Variants in VAV2 observed in about 807,000 individuals in gnomAD.
VAV2 encodes the protein vav guanine nucleotide exchange factor 2, also known as guanine nucleotide exchange factor VAV2.
A neutral mutation model predicts 132.5 loss-of-function variants in VAV2; 67 were observed. The observed-to-expected ratio is 0.51, with a 90% CI of 0.42 to 0.62. VAV2 has a LOEUF of 0.62. Ranked by LOEUF, VAV2 falls within the 20% of genes least tolerant of loss-of-function variation. VAV2 has a pLI of 0.00. For synonymous variants in VAV2, 492 were observed against 443.5 expected, an observed-to-expected ratio of 1.11 and a Z score of -1.37; for missense variants, 938 against 1,153.6, an observed-to-expected ratio of 0.81 and a Z score of 2.71.
intron 3 of VAV2, among the ~76,000 whole-genome samples, chr9:133,839,448 G>A (rs1437895393): frequency 6.6e-6 from 1 of 151,108 alleles, no homozygotes; most frequent in African/African-American, 2.4e-5. Context: ...TAGATACGAG[G>A]AAGTTTTTTT....
chr9:133,982,473 G>T (rs1842728269), intron 1 of VAV2, among the ~76,000 whole-genome samples: 1 of 151,324 alleles, frequency 6.6e-6, no homozygotes, highest in Non-Finnish European at 1.5e-5. Context: ...AGGGCAGGAG[G>T]CCCCAAGAGG....
rs763707825 is a variant in VAV2, at chr9:133,858,200, G to C, written c.380+3174C>G. On this transcript the variant is annotated intron_variant, in intron 3 of 29. Transcript: ENST00000371850. Reference sequence around the variant, plus strand: ...TACCTGAGGCGTTGGGCCACGCAGCGTATGCTCACAATGTGGTTTATGGTG... The same window carrying C: ...TACCTGAGGCGTTGGGCCACGCAGCCTATGCTCACAATGTGGTTTATGGTG... Among the ~76,000 whole-genome samples, 5 of 152,318 alleles carry C rather than the reference G, an allele frequency of 3.3e-5. No homozygotes were observed. In the South Asian group the frequency reaches 1.0e-3, roughly 32 times the overall value.
Position 133,788,711 on chromosome 9 carries a change from G to A in VAV2, c.1275-225C>T, listed in dbSNP as rs998425181. Among the ~76,000 whole-genome samples, 2 of 152,102 alleles carry A rather than the reference G, an allele frequency of 1.3e-5. No individual in the cohort carries two copies. Among genetic ancestry groups the A allele is most frequent in the East Asian group, 1.9e-4 (1 of 5,168 alleles). On this transcript the variant is annotated intron_variant, in intron 14 of 29. Coordinates refer to ENST00000371850, the MANE Select transcript of VAV2 (RefSeq NM_001134398.2). This position sits in a 1 kb window ranked among gnomAD's most constrained non-coding sequence, Gnocchi z 5.3. ...TTGGCTCCCTACCCCCGTGACTGAG[G>A]CTGTGCCAGGAGCCCTTCAAGGGGC...
In VAV2 at chr9:133,790,734, A is replaced by AT. The variant is rs113004055; in HGVS notation, c.1188+1048dup. Among the ~76,000 whole-genome samples, 1,170 of 149,896 alleles carry AT rather than the reference A, an allele frequency of 7.8e-3. 25 individuals carry two copies. The highest frequency in any genetic ancestry group is 0.043 in the Admixed American group (650 of 15,058). ...GTATCATAATGCCCTTCAGAAGCTTATTTTTTTTTTCTTTCATCGCCGACG... is the reference window on the plus strand; with the variant it reads ...GTATCATAATGCCCTTCAGAAGCTTATTTTTTTTTTTCTTTCATCGCCGACG... On this transcript the variant is annotated intron_variant, in intron 13 of 29. Coordinates refer to ENST00000371850, the MANE Select transcript of VAV2 (RefSeq NM_001134398.2).
At position 133,763,022 on chromosome 9, in the gene VAV2, C is replaced by G; in HGVS notation, c.*1040G>C. ...GGGAGGTAATGGGGTAGAGCCACCC[C>G]CAAGAGCACTTATTTTGAGTCGCCC... is the stretch of plus-strand genomic sequence containing the variant. On this transcript the variant is annotated 3_prime_UTR_variant, in exon 30 of 30. Transcript: ENST00000371850. This position sits in a 1 kb window ranked among gnomAD's most constrained non-coding sequence, Gnocchi z 6.8. 1 of 152,604 alleles carries G rather than the reference C, an allele frequency of 6.6e-6. No individual in the cohort carries two copies. Among genetic ancestry groups the G allele is most frequent in the East Asian group, 1.9e-4 (1 of 5,180 alleles). 9.5% of individuals were successfully genotyped at this position (152,604 alleles called of 1,614,324 possible).
intron 2 of VAV2, among the ~76,000 whole-genome samples, chr9:133,898,195 G>A (rs2810481): frequency 0.91 from 137,753 of 152,026 alleles, 63,658 homozygotes; most frequent in East Asian, 1. Context: ...GGCCGGGCGG[G>A]CACAGGTTGA....
At chr9:133,933,680 G>GTTGA (rs1390161160) in intron 2 of VAV2, among the ~76,000 whole-genome samples, 1 of 59,150 alleles carries the variant, frequency 1.7e-5, no homozygotes, top group Admixed American at 1.6e-4. Flanking sequence ...CGGATGGATA[G>GTTGA]ATGAATGATG....
intron 2 of VAV2, chr9:133,926,000 C>CAAAAAAAAAAA: frequency 1.6e-5 from 1 of 63,824 alleles, no homozygotes; most frequent in African/African-American, 7.7e-5. Context: ...GGACATGGAC[C>CAAAAAAAAAAA]AAAAAAAAAA....
At chr9:133,880,515 T>C (rs1177721586) in intron 2 of VAV2, among the ~76,000 whole-genome samples, 1 of 152,192 alleles carries the variant, frequency 6.6e-6, no homozygotes, top group African/African-American at 2.4e-5. Context: ...AGTAGGAATC[T>C]TGTATATGAA....
In VAV2 at chr9:133,826,933, C is replaced by T. The variant is rs567985019; in HGVS notation, c.449+7339G>A. ...TCCTCGCAAGACGCACTCATCACGG[C>T]GCTCTGTGGCACCCAATCCGGGTGC... On this transcript the variant is annotated intron_variant, in intron 4 of 29. Coordinates refer to ENST00000371850, the MANE Select transcript of VAV2 (RefSeq NM_001134398.2). This position sits in a 1 kb window ranked among gnomAD's most constrained non-coding sequence, Gnocchi z 4.2. Among the ~76,000 whole-genome samples, 224 of 152,284 alleles carry T rather than the reference C, an allele frequency of 1.5e-3. 2 individuals carry two copies. The highest frequency in any genetic ancestry group is 5.1e-3 in the African/African-American group (212 of 41,556).
chr9:133,914,708 A>G (rs1588361978), intron 2 of VAV2, among the ~76,000 whole-genome samples: 3 of 15,772 alleles, frequency 1.9e-4, no homozygotes, highest in South Asian at 6.7e-3. Context: ...GAGGGGAAGG[A>G]GAGGGGAGGG....
At chr9:133,835,445 G>A (rs1836433615) in intron 3 of VAV2, among the ~76,000 whole-genome samples, 1 of 151,926 alleles carries the variant, frequency 6.6e-6, no homozygotes, top group Non-Finnish European at 1.5e-5. Flanking sequence ...AGGAGAGGCA[G>A]ATCAAACACC....
intron 1 of VAV2, 102 bp from the exon 2 acceptor site, chr9:133,939,321 C>T (rs1471336221): frequency 6.0e-6 from 6 of 1,004,548 alleles, no homozygotes; most frequent in Non-Finnish European, 9.5e-6. Context: ...CTTCCGTGCG[C>T]CAGCACATCC....
In VAV2 at chr9:133,802,581, T is replaced by C. The variant is rs941459671; in HGVS notation, c.836+3500A>G. 2.0e-5 allele frequency among the ~76,000 whole-genome samples: 3 copies of C among 152,232 alleles called. No individual in the cohort carries two copies. The highest frequency in any genetic ancestry group is 7.2e-5 in the African/African-American group (3 of 41,450). ...CTCCCCTCTCTGCTGACAAGGTATG[T>C]GGTTCCCTTGCTCGTGAGTTGACAG... is the stretch of plus-strand genomic sequence containing the variant. On this transcript the variant is annotated intron_variant, in intron 9 of 29. Coordinates refer to ENST00000371850, the MANE Select transcript of VAV2 (RefSeq NM_001134398.2). This position sits in a 1 kb window ranked among gnomAD's most constrained non-coding sequence, Gnocchi z 5.8.
intron 3 of VAV2, among the ~76,000 whole-genome samples, chr9:133,844,043 C>T (rs1836832105): frequency 6.6e-6 from 1 of 152,088 alleles, no homozygotes; most frequent in East Asian, 1.9e-4. Context: ...ACCCCCAATC[C>T]AGCGAGGCTG....
intron 2 of VAV2, among the ~76,000 whole-genome samples, chr9:133,869,829 AACACAC>A (rs748444935): frequency 7.9e-5 from 12 of 152,220 alleles, no homozygotes; most frequent in African/African-American, 2.7e-4. Flanking sequence ...CACATCTGGA[AACACAC>A]ACGCACACGC....
At position 133,797,826 on chromosome 9, in the gene VAV2, C is replaced by G; in HGVS notation, c.837-17G>C. On this transcript the variant is annotated splice_polypyrimidine_tract_variant and intron_variant, in intron 9 of 29. Coordinates refer to ENST00000371850, the MANE Select transcript of VAV2 (RefSeq NM_001134398.2). ...ATCAGAAGCCTGGACGGTGCACACA[C>G]ACGCACACACGCACACAGATTTAAT... 1 of 1,603,052 alleles carries G rather than the reference C, an allele frequency of 6.2e-7. No homozygotes were observed. The highest frequency in any genetic ancestry group is 1.1e-5 in the South Asian group (1 of 89,506).
In VAV2 at chr9:133,787,274, A is replaced by C; in HGVS notation, c.1408-14T>G. On this transcript the variant is annotated splice_polypyrimidine_tract_variant and intron_variant, in intron 15 of 29. Coordinates refer to ENST00000371850, the MANE Select transcript of VAV2 (RefSeq NM_001134398.2). Reference sequence around the variant, plus strand: ...TTTCCCGTGAGACTAGGAAGCATGGAGAGGAGAGGAAGGGGAAGACGGTCA... The same window carrying C: ...TTTCCCGTGAGACTAGGAAGCATGGCGAGGAGAGGAAGGGGAAGACGGTCA... 2 of 1,582,986 alleles carry C rather than the reference A, an allele frequency of 1.3e-6. No homozygotes were observed. Among genetic ancestry groups the C allele is most frequent in the Non-Finnish European group, 1.7e-6 (2 of 1,162,158 alleles).
intron 4 of VAV2, among the ~76,000 whole-genome samples, chr9:133,832,397 T>C (rs1293271512): frequency 6.6e-6 from 1 of 152,088 alleles, no homozygotes; most frequent in Non-Finnish European, 1.5e-5. Context: ...CTGCTGGGGG[T>C]TGGGGCCTTA....
Sources: gnomAD v4.1 joint callset for allele counts (sites outside exome capture counted in the v4.1 genomes callset) on GRCh38, gnomAD v4.1.1 for gene constraint, Gnocchi (gnomAD v3.1) non-coding constraint, MANE v1.5 for transcripts, NCBI Gene and HGNC (gene_info 2026-07-23, HGNC 2026-07-21) for gene names.